PIGS: variants seen among roughly 807,000 people sequenced by gnomAD.
PIGS encodes phosphatidylinositol glycan anchor biosynthesis class S, also known as GPI-anchor transamidase component PIGS.
Under a neutral mutation model 58.2 loss-of-function variants are expected in PIGS, and 37 were observed. The observed-to-expected ratio is 0.64, with a 90% CI of 0.49 to 0.84. The LOEUF is 0.84. Among genes scored for constraint, PIGS ranks in the 40% least tolerant of loss-of-function variants. The probability of loss-of-function intolerance (pLI) is 0.00; values close to 1 mark genes in which losing one functional copy is unlikely to be tolerated. For missense variants in PIGS, 629 were observed against 710.8 expected, an observed-to-expected ratio of 0.88 and a Z score of 1.31; for synonymous variants, 269 against 289.2, an observed-to-expected ratio of 0.93 and a Z score of 0.71.
intron 3 of PIGS, among the ~76,000 whole-genome samples, chr17:28,566,258 T>C (rs1318299884): frequency 2.1e-5 from 3 of 142,694 alleles, no homozygotes; most frequent in African/African-American, 7.7e-5. Flanking sequence ...ACCCCTTGTC[T>C]ACTTTTTCTT....
Position 28,556,884 on chromosome 17 carries a change from C to T in PIGS, c.1023G>A (p.Lys341=), listed in dbSNP as rs1353130620. Reference sequence around the variant, plus strand: ...CATTGGTGGCCACTGGAGCGCCATCCTTGTCCTGAATGTACAGCGGTGAGT... The same window carrying T: ...CATTGGTGGCCACTGGAGCGCCATCTTTGTCCTGAATGTACAGCGGTGAGT... ...LAHSPLYIQD[K]DGAPVATNAF... Residue 341 remains lysine (K), a synonymous_variant, in exon 9 of 12, where the codon AAG becomes AAA. Transcript: ENST00000308360. 3.1e-6 allele frequency: 5 copies of T among 1,614,194 alleles called. No individual in the cohort carries two copies. Among genetic ancestry groups the T allele is most frequent in the Middle Eastern group, 1.7e-4 (1 of 6,058 alleles).
intron 3 of PIGS, among the ~76,000 whole-genome samples, chr17:28,568,471 T>C (rs1350484184): frequency 1.3e-5 from 2 of 152,232 alleles, no homozygotes; most frequent in Non-Finnish European, 2.9e-5. Context: ...TAGAACTGTA[T>C]CTGACATAGC....
At chr17:28,563,946 C>G in intron 3 of PIGS, 39 bp from the exon 4 acceptor site, 1 of 1,547,608 alleles carries the variant, frequency 6.5e-7, no homozygotes, top group Non-Finnish European at 8.9e-7. Flanking sequence ...AAAGGGCAAG[C>G]ATCATGCCTC....
Position 28,556,276 on chromosome 17 carries a change from G to A in PIGS, c.1081-10C>T. 2 of 1,586,734 alleles carry A rather than the reference G, an allele frequency of 1.3e-6. No individual in the cohort carries two copies. The highest frequency in any genetic ancestry group is 1.1e-5 in the South Asian group (1 of 90,486). Reference sequence around the variant, plus strand: ...AGTCAACATTATATACCTGAAAGGGGGAATGAGATTGCCACAACATCATAC... The same window carrying A: ...AGTCAACATTATATACCTGAAAGGGAGAATGAGATTGCCACAACATCATAC... On this transcript the variant is annotated splice_polypyrimidine_tract_variant and intron_variant, in intron 9 of 11. Transcript: ENST00000308360.
chr17:28,562,633 C>T (rs2070370542), intron 5 of PIGS, among the ~76,000 whole-genome samples: 2 of 152,014 alleles, frequency 1.3e-5, no homozygotes, highest in African/African-American at 2.4e-5. Context: ...GGGGTTTCAC[C>T]ATGTTGACCA....
At chr17:28,556,129 G>A (rs2070325661) in intron 10 of PIGS, 37 bp downstream of exon 10, 1 of 1,558,484 alleles carries the variant, frequency 6.4e-7, no homozygotes, top group East Asian at 2.2e-5. Flanking sequence ...TACAGCCAAG[G>A]AGACTATGTC....
Position 28,554,314 on chromosome 17 carries a change from A to C in PIGS, c.1574T>G (p.Leu525Arg). ...GATGGGCACAGCCATAGGCAGGAAG[A>C]GTGGGATGTAGATGGCAAACTTCTG... Reference protein sequence around the residue: ...DDQKFAIYIPLFLPMAVPILL... With the variant: ...DDQKFAIYIPRFLPMAVPILL... The change falls in exon 12 of 12, where the codon CTC (leucine) becomes CGC (arginine). Residue 525 changes from leucine (L) to arginine (R), a missense_variant. By Grantham distance (102) the Leu-to-Arg change is moderately radical. Coordinates refer to ENST00000308360, the MANE Select transcript of PIGS (RefSeq NM_033198.4). The C allele has an allele frequency of 1.9e-6, 3 of 1,614,186 alleles. No individual in the cohort carries two copies. Among genetic ancestry groups the C allele is most frequent in the Non-Finnish European group, 2.5e-6 (3 of 1,180,036 alleles).
intron 4 of PIGS, 93 bp downstream of exon 4, chr17:28,563,724 TG>T: frequency 1.4e-6 from 2 of 1,392,636 alleles, no homozygotes; most frequent in Non-Finnish European, 2.0e-6. Flanking sequence ...AGAGAGGTTT[TG>T]GAAGTAAGCC....
Position 28,561,539 on chromosome 17 carries a change from C to T in PIGS, c.559G>A (p.Val187Ile). The change falls in exon 6 of 12, where the codon GTC (valine) becomes ATC (isoleucine). Residue 187 changes from valine to isoleucine, a missense_variant. Physicochemically the swap from Val to Ile is conservative, Grantham distance 29. Coordinates refer to ENST00000308360, the MANE Select transcript of PIGS (RefSeq NM_033198.4). ...EAFNIIGRRIVQVAQAMSLTE... is the reference protein window; with the variant it reads ...EAFNIIGRRIIQVAQAMSLTE... The stretch of plus-strand genomic sequence containing the variant: ...AAAGACATGGCCTGGGCCACCTGGA[C>T]TATGCGGCGGCCAATGATGTTAAAG... 1.2e-6 allele frequency: 2 copies of T among 1,614,048 alleles called. No homozygotes were observed. The highest frequency in any genetic ancestry group is 1.7e-6 in the Non-Finnish European group (2 of 1,179,978).
intron 3 of PIGS, among the ~76,000 whole-genome samples, chr17:28,564,956 G>A (rs1414727646): frequency 6.6e-6 from 1 of 152,132 alleles, no homozygotes; most frequent in Non-Finnish European, 1.5e-5. Context: ...AATAAAACAA[G>A]GATGCCTGCT....
chr17:28,563,065 T>TGGG (rs1487344807), intron 5 of PIGS, among the ~76,000 whole-genome samples: 2 of 152,012 alleles, frequency 1.3e-5, no homozygotes, highest in African/African-American at 4.8e-5. Flanking sequence ...CTCAGCACTC[T>TGGG]GGGGGGCCAA....
At chr17:28,560,770 G>A (rs1024174409) in intron 6 of PIGS, among the ~76,000 whole-genome samples, 2 of 150,860 alleles carry the variant, frequency 1.3e-5, no homozygotes, top group East Asian at 1.9e-4. Context: ...AGGAGGCTCC[G>A]TCTCAAAAAA....
chr17:28,564,053 T>C, intron 3 of PIGS, 146 bp from the exon 4 acceptor site: 1 of 664,882 alleles, frequency 1.5e-6, no homozygotes, highest in Admixed American at 2.6e-5. Context: ...ACTCTAATGA[T>C]TTCTGCATAG....
chr17:28,554,186 G>C lies in PIGS; in HGVS notation c.*34C>G. 6.2e-7 allele frequency: 1 copy of C among 1,607,418 alleles called. No individual in the cohort carries two copies. The highest frequency in any genetic ancestry group is 8.5e-7 in the Non-Finnish European group (1 of 1,176,066). ...AATCTAACACCGCCCACCTTGGCCAGAAAGGAAGGCTTCCTATGGAGGTGC... is the reference window on the plus strand; with the variant it reads ...AATCTAACACCGCCCACCTTGGCCACAAAGGAAGGCTTCCTATGGAGGTGC... On this transcript the variant is annotated 3_prime_UTR_variant, in exon 12 of 12. Coordinates refer to ENST00000308360, the MANE Select transcript of PIGS (RefSeq NM_033198.4).
rs554076455 is a variant in PIGS at position 28,556,291 on chromosome 17, C to T, written c.1081-25G>A. On this transcript the variant is annotated intron_variant, in intron 9 of 11. Coordinates refer to ENST00000308360, the MANE Select transcript of PIGS (RefSeq NM_033198.4). Reference sequence around the variant, plus strand: ...CCTGAAAGGGGGAATGAGATTGCCACAACATCATACCAGGCCCTTGCACAG... The same window carrying T: ...CCTGAAAGGGGGAATGAGATTGCCATAACATCATACCAGGCCCTTGCACAG... The T allele has an allele frequency of 1.9e-3, 2,845 of 1,535,914 alleles. 69 individuals are homozygous for T. The South Asian group carries it at 0.029, about 15-fold the overall frequency.
In PIGS at chr17:28,554,493, C is replaced by G; in HGVS notation, c.1395G>C (p.Val465=). 1 of 1,613,728 alleles carries G rather than the reference C, an allele frequency of 6.2e-7. No homozygotes were observed. Among genetic ancestry groups the G allele is most frequent in the Non-Finnish European group, 8.5e-7 (1 of 1,179,832 alleles). Residue 465 remains valine, a splice_region_variant and synonymous_variant, in exon 12 of 12, where the codon GTG becomes GTC. Coordinates refer to ENST00000308360, the MANE Select transcript of PIGS (RefSeq NM_033198.4). The part of the protein sequence containing the change: ...IVIKDDVASE[V]YKAVAAVQKS... ...TCTGGACGGCAGCTACAGCCTTGTA[C>G]ACCTAGGAAGGAGAAGGGACAAGAG...
At chr17:28,554,746 G>A in intron 11 of PIGS, 105 bp downstream of exon 11, 1 of 1,452,432 alleles carries the variant, frequency 6.9e-7, no homozygotes, top group Non-Finnish European at 9.6e-7. Context: ...AAGATGGCAA[G>A]CCCACACATA....
At chr17:28,569,196 C>A (rs186956856) in intron 3 of PIGS, among the ~76,000 whole-genome samples, 1 of 151,428 alleles carries the variant, frequency 6.6e-6, no homozygotes, top group East Asian at 1.9e-4. Flanking sequence ...TTTTAACCAG[C>A]CGGGTGCGGT....
At position 28,563,466 on chromosome 17, in the gene PIGS, A is replaced by G. The variant is rs372383165; in HGVS notation, c.433T>C (p.Tyr145His). Reference protein sequence around the residue: ...QEQAEGSLTVYVISEHSSLLP... With the variant: ...QEQAEGSLTVHVISEHSSLLP... ...AGTGAGGAGTGTTCAGATATCACGTACACAGTCAGGGAGCCCTCCGCTTGT... is the reference window on the plus strand; with the variant it reads ...AGTGAGGAGTGTTCAGATATCACGTGCACAGTCAGGGAGCCCTCCGCTTGT... The change falls in exon 5 of 12, where the codon TAC becomes CAC. Residue 145 changes from tyrosine (Y) to histidine (H), a missense_variant. By Grantham distance (83) the Tyr-to-His change is moderately conservative. Transcript: ENST00000308360. The G allele has an allele frequency of 2.0e-5, 32 of 1,614,014 alleles. No homozygotes were observed. The highest frequency in any genetic ancestry group is 3.3e-4 in the Middle Eastern group (2 of 6,072).
Sources: allele counts gnomAD v4.1 joint callset (sites outside exome capture counted in the v4.1 genomes callset), GRCh38; gene constraint gnomAD v4.1.1; transcripts MANE v1.5; gene names NCBI Gene and HGNC (gene_info 2026-07-23, HGNC 2026-07-21).